Variants in COL9A3 observed in about 807,000 individuals in gnomAD.
The protein encoded by COL9A3 is collagen alpha-3(IX) chain.
COL9A3 carries 82 observed loss-of-function variants against 110.2 expected under a neutral mutation model. That is an observed-to-expected ratio of 0.74 (90% CI 0.62 to 0.89). COL9A3 has a LOEUF of 0.89. Ranked by LOEUF, COL9A3 falls within the 40% of genes least tolerant of loss-of-function variation. COL9A3 has a pLI of 0.00. For missense variants in COL9A3, 1,066 were observed against 981.3 expected (o/e 1.09, Z -1.15); for synonymous variants, 494 against 403.8 (o/e 1.22, Z -2.68).
chr20:62,840,728 C>G lies in COL9A3; in HGVS notation c.2051C>G (p.Ser684Ter). The change falls in exon 32 of 32, where the codon TCA becomes TGA. Residue 684 changes from serine (S) to a stop codon, truncating the protein, a stop_gained. Transcript: ENST00000649368. LOFTEE classifies it high-confidence loss of function. ...GGGGAGAAATCAGGCTCTCGAAGCT[C>G]ATAAAATTCAACGTGAGGAAGCAAG... ...GVGEKSGSRS[S>*] 6.4e-7 allele frequency: 1 copy of G among 1,565,632 alleles called. No individual in the cohort carries two copies. Among genetic ancestry groups the G allele is most frequent in the Non-Finnish European group, 8.7e-7 (1 of 1,154,310 alleles).
rs2063569181 is a variant in COL9A3, at chr20:62,828,119, C to G, written c.900+143C>G. On this transcript the variant is annotated intron_variant, in intron 17 of 31. Transcript: ENST00000649368. ...CTGGGTTAACGGTGGAACAGCCCCGCAGCCCCACACATTTCTCTCTTGCCC... is the reference window on the plus strand; with the variant it reads ...CTGGGTTAACGGTGGAACAGCCCCGGAGCCCCACACATTTCTCTCTTGCCC... The G allele has an allele frequency of 2.5e-5, 21 of 824,474 alleles. No individual in the cohort carries two copies. The South Asian group carries it at 3.1e-4, about 12-fold the overall frequency. The allele number at this position is 824,474 out of a possible 1,614,324, so 51.1% of individuals were successfully genotyped here.
intron 29 of COL9A3, 27 bp downstream of exon 29, chr20:62,836,559 A>G (rs1211806196): frequency 6.3e-7 from 1 of 1,584,262 alleles, no homozygotes; most frequent in Non-Finnish European, 8.6e-7. Context: ...CACCGGCTGC[A>G]GCGGGGCCCA....
chr20:62,821,204 G>T lies in COL9A3; in HGVS notation c.333G>T (p.Pro111=), dbSNP rs149690829. 3.1e-6 allele frequency: 5 copies of T among 1,613,174 alleles called. No homozygotes were observed. The South Asian group carries it at 4.4e-5, about 14-fold the overall frequency. ...GERGSLGPPG[P]PGLGGKGLPG... ...AGGGAAGTCTGGGACCCCCGGGGCC[G>T]CCCGGGCTGGGGGTGAGTATGGAGT... Residue 111 remains proline, a synonymous_variant, in exon 6 of 32, where the codon CCG becomes CCT. Transcript: ENST00000649368.
In COL9A3 at chr20:62,833,020, G is replaced by T. The variant is rs1375644213; in HGVS notation, c.1324G>T (p.Gly442Cys). The T allele has an allele frequency of 1.9e-6, 3 of 1,613,694 alleles. No individual in the cohort carries two copies. Among genetic ancestry groups the T allele is most frequent in the Non-Finnish European group, 2.5e-6 (3 of 1,179,780 alleles). ...TAACTTTGGGGTGTATCGTTTTCAGGGTATTGCAGGTTCCGACGGTCTTCC... is the reference window on the plus strand; with the variant it reads ...TAACTTTGGGGTGTATCGTTTTCAGTGTATTGCAGGTTCCGACGGTCTTCC... ...GGAAGPKGDQ[G>C]IAGSDGLPGD... Residue 442 changes from glycine to cysteine, a missense_variant and splice_region_variant, in exon 26 of 32, where the codon GGT (glycine) becomes TGT (cysteine). By Grantham distance (159) the Gly-to-Cys change is radical. Transcript: ENST00000649368.
rs148180786 is a variant in COL9A3, at chr20:62,834,800, A to G, written c.1369-1121A>G. 8.1e-3 allele frequency among the ~76,000 whole-genome samples: 1,232 copies of G among 151,906 alleles called. 19 individuals carry two copies. Among genetic ancestry groups the G allele is most frequent in the African/African-American group, 0.028 (1,147 of 41,408 alleles). The stretch of plus-strand genomic sequence containing the variant: ...TGGGACTACAGGTGCCCACCATCAC[A>G]CCCGGCTAATTTTTGTATTTAGTAG... On this transcript the variant is annotated intron_variant, in intron 26 of 31. Coordinates refer to ENST00000649368, the MANE Select transcript of COL9A3 (RefSeq NM_001853.4).
At chr20:62,829,029 C>T in intron 19 of COL9A3, 53 bp downstream of exon 19, 1 of 1,546,030 alleles carries the variant, frequency 6.5e-7, no homozygotes, top group Non-Finnish European at 8.7e-7. Context: ...TCTGCCTGCT[C>T]AGTGGCCCAT....
In COL9A3 at chr20:62,817,619, G is replaced by A. The variant is rs1378801235; in HGVS notation, c.131G>A (p.Gly44Asp). 1.9e-6 allele frequency: 3 copies of A among 1,545,762 alleles called. No individual in the cohort carries two copies. The highest frequency in any genetic ancestry group is 2.7e-5 in the African/African-American group (2 of 72,906). The change falls in exon 2 of 32, where the codon GGC (glycine) becomes GAC (aspartate). Residue 44 changes from glycine to aspartate, a missense_variant. Transcript: ENST00000649368. ...CCCCCAGGGCCGCCCGGGAAGCCCGGCCAGGACGGCATTGACGTGAGTTTG... is the reference window on the plus strand; with the variant it reads ...CCCCCAGGGCCGCCCGGGAAGCCCGACCAGGACGGCATTGACGTGAGTTTG... Reference protein sequence around the residue: ...PGPPGPPGKPGQDGIDGEAGP... With the variant: ...PGPPGPPGKPDQDGIDGEAGP...
At chr20:62,828,275 C>T (rs570259703) in intron 17 of COL9A3, among the ~76,000 whole-genome samples, 2 of 152,320 alleles carry the variant, frequency 1.3e-5, no homozygotes, top group Non-Finnish European at 2.9e-5. Context: ...GGCACCCATG[C>T]GGGCACCTTC....
At chr20:62,833,107 G>T in intron 26 of COL9A3, 43 bp downstream of exon 26, 1 of 1,540,638 alleles carries the variant, frequency 6.5e-7, no homozygotes, top group South Asian at 1.1e-5. Flanking sequence ...AGCTGGGAGC[G>T]AGGTCGCCAC....
intron 26 of COL9A3, among the ~76,000 whole-genome samples, chr20:62,833,767 G>A (rs1219042379): frequency 1.3e-5 from 2 of 152,036 alleles, no homozygotes; most frequent in Non-Finnish European, 2.9e-5. Context: ...GCGCGATCTC[G>A]GTTCACTGCA....
At position 62,821,501 on chromosome 20, in the gene COL9A3, TTGCAGGGCAAAG is replaced by T; in HGVS notation, c.346-5_352del. The T allele has an allele frequency of 6.2e-7, 1 of 1,612,888 alleles. No individual in the cohort carries two copies. Among genetic ancestry groups the T allele is most frequent in the Non-Finnish European group, 8.5e-7 (1 of 1,179,926 alleles). On this transcript the variant is annotated splice_acceptor_variant and splice_polypyrimidine_tract_variant and coding_sequence_variant and intron_variant, in exon 7 of 32. Transcript: ENST00000649368. LOFTEE classifies it high-confidence loss of function. Reference sequence around the variant, plus strand: ...GCAGGCTCTGACCCCATGTTTGGCTTTGCAGGGCAAAGGCCTCCCTGGACCCCCCGTGAGTAC... The same window carrying T: ...GCAGGCTCTGACCCCATGTTTGGCTTGCCTCCCTGGACCCCCCGTGAGTAC...
At chr20:62,837,452 T>G (rs2063645731) in intron 30 of COL9A3, among the ~76,000 whole-genome samples, 187 bp downstream of exon 30, 1 of 152,274 alleles carries the variant, frequency 6.6e-6, no homozygotes, top group Non-Finnish European at 1.5e-5. Context: ...TGGAACATTT[T>G]TAACATGTGA....
chr20:62,824,421 T>G, intron 10 of COL9A3, 24 bp from the exon 11 acceptor site: 1 of 1,587,032 alleles, frequency 6.3e-7, no homozygotes, highest in Non-Finnish European at 8.6e-7. Flanking sequence ...CTGGGAGGGG[T>G]CTGACTGCTC....
At chr20:62,824,629 A>G in intron 11 of COL9A3, 128 bp downstream of exon 11, 1 of 1,006,098 alleles carries the variant, frequency 9.9e-7, no homozygotes, top group Non-Finnish European at 1.5e-6. Flanking sequence ...CCCCAGGAAG[A>G]AAGCTAGGCC....
chr20:62,824,680 A>T (rs1458774960), intron 11 of COL9A3, among the ~76,000 whole-genome samples, 179 bp downstream of exon 11: 3 of 152,194 alleles, frequency 2.0e-5, no homozygotes, highest in Admixed American at 2.0e-4. Context: ...TGACACGCTG[A>T]TGTGGCCAGG....
intron 4 of COL9A3, 42 bp from the exon 5 acceptor site, chr20:62,819,887 T>C: frequency 6.2e-7 from 1 of 1,611,512 alleles, no homozygotes. Context: ...TGGCATGTGC[T>C]TCCCATGTGG....
In COL9A3 at chr20:62,821,494, T is replaced by C. The variant is rs1170353152; in HGVS notation, c.346-13T>C. The C allele has an allele frequency of 6.2e-7, 1 of 1,612,924 alleles. No homozygotes were observed. The highest frequency in any genetic ancestry group is 1.7e-5 in the Admixed American group (1 of 60,012). ...GTGCCTGGCAGGCTCTGACCCCATGTTTGGCTTTGCAGGGCAAAGGCCTCC... is the reference window on the plus strand; with the variant it reads ...GTGCCTGGCAGGCTCTGACCCCATGCTTGGCTTTGCAGGGCAAAGGCCTCC... On this transcript the variant is annotated splice_polypyrimidine_tract_variant and intron_variant, in intron 6 of 31. Coordinates refer to ENST00000649368, the MANE Select transcript of COL9A3 (RefSeq NM_001853.4).
chr20:62,816,750 T>C (rs957741867), upstream of COL9A3, among the ~76,000 whole-genome samples: 1 of 152,126 alleles, frequency 6.6e-6, no homozygotes, highest in African/African-American at 2.4e-5. Context: ...ACACTCGGGT[T>C]GAGGAGCAAG....
chr20:62,825,723 C>G lies in COL9A3; in HGVS notation c.631-94C>G, dbSNP rs894941829. 6 of 1,305,696 alleles carry G rather than the reference C, an allele frequency of 4.6e-6. No individual in the cohort carries two copies. In the African/African-American group the frequency reaches 8.8e-5, roughly 19 times the overall value. The allele number at this position is 1,305,696 out of a possible 1,614,324, so 80.9% of individuals were successfully genotyped here. On this transcript the variant is annotated intron_variant, in intron 12 of 31. Coordinates refer to ENST00000649368, the MANE Select transcript of COL9A3 (RefSeq NM_001853.4). ...CCAGCTGTGAAGGGGGCAACACCCC[C>G]AGCTGCTTGGGCTTGAGTAGGGTGA...
Sources: gnomAD v4.1 joint callset for allele counts (sites outside exome capture counted in the v4.1 genomes callset) on GRCh38, gnomAD v4.1.1 for gene constraint, MANE v1.5 for transcripts, NCBI Gene and HGNC (gene_info 2026-07-23, HGNC 2026-07-21) for gene names.